MAN2A1: variants seen among roughly 807,000 people sequenced by gnomAD.
The protein encoded by MAN2A1 is mannosidase alpha class 2A member 1.
MAN2A1 carries 76 observed loss-of-function variants against 142.6 expected under a neutral mutation model. That is an observed-to-expected ratio of 0.53 (90% confidence interval 0.44 to 0.65). The LOEUF (loss-of-function observed/expected upper bound fraction) is 0.65, where lower values mean the gene tolerates loss of function less well. MAN2A1 is among the 30% of genes least tolerant of loss of function. The pLI is 0.00. For synonymous variants in MAN2A1, 559 were observed against 473.2 expected (o/e 1.18, Z -2.35); for missense variants, 1,311 against 1,365.1 (o/e 0.96, Z 0.62).
intron 4 of MAN2A1, among the ~76,000 whole-genome samples, chr5:109,746,872 T>A (rs1184463050): frequency 6.6e-6 from 1 of 152,192 alleles, no homozygotes; most frequent in Non-Finnish European, 1.5e-5. Context: ...ATTTTTGTCC[T>A]TTTCTGTCTG....
At chr5:109,754,978 G>A (rs552153574) in intron 4 of MAN2A1, among the ~76,000 whole-genome samples, 1 of 151,830 alleles carries the variant, frequency 6.6e-6, no homozygotes, top group East Asian at 1.9e-4. Context: ...TTCAGCCTGG[G>A]CAACAAGAGT....
intron 5 of MAN2A1, among the ~76,000 whole-genome samples, chr5:109,759,232 T>C (rs1752772326): frequency 6.6e-6 from 1 of 152,196 alleles, no homozygotes; most frequent in Non-Finnish European, 1.5e-5. Flanking sequence ...CATCGTTAAT[T>C]TCTTTCAACA....
At chr5:109,851,251 G>A (rs1019816232) in intron 19 of MAN2A1, among the ~76,000 whole-genome samples, 1 of 152,200 alleles carries the variant, frequency 6.6e-6, no homozygotes, top group Admixed American at 6.5e-5. Flanking sequence ...GCTGCACGAG[G>A]TTGACCATCA....
intron 4 of MAN2A1, among the ~76,000 whole-genome samples, chr5:109,749,888 A>G (rs908972338): frequency 6.6e-6 from 1 of 152,044 alleles, no homozygotes; most frequent in Non-Finnish European, 1.5e-5. Context: ...TTTTTTATAG[A>G]TACGGGTATT....
Position 109,817,253 on chromosome 5 carries a change from T to C in MAN2A1, c.1944-20T>C. 6.2e-7 allele frequency: 1 copy of C among 1,609,900 alleles called. No individual in the cohort carries two copies. Among genetic ancestry groups the C allele is most frequent in the Non-Finnish European group, 8.5e-7 (1 of 1,177,232 alleles). On this transcript the variant is annotated intron_variant, in intron 12 of 21. Coordinates refer to ENST00000261483, the MANE Select transcript of MAN2A1 (RefSeq NM_002372.4). ...TAAAAATATTTTGAGATCCCAATAA[T>C]GAAGCAGCTGTTTTTGCAGGTACCT...
intron 16 of MAN2A1, among the ~76,000 whole-genome samples, chr5:109,831,369 AG>A (rs1754902849): frequency 6.6e-6 from 1 of 152,204 alleles, no homozygotes; most frequent in South Asian, 2.1e-4. Flanking sequence ...TAATGAAGGA[AG>A]TGAGTCACTG....
intron 3 of MAN2A1, among the ~76,000 whole-genome samples, chr5:109,724,718 A>C (rs1166082713): frequency 6.6e-6 from 1 of 152,224 alleles, no homozygotes; most frequent in East Asian, 1.9e-4. Flanking sequence ...TTATTATAGC[A>C]ATCAAAACCA....
At chr5:109,741,759 A>G (rs935819627) in intron 4 of MAN2A1, among the ~76,000 whole-genome samples, 6 of 152,188 alleles carry the variant, frequency 3.9e-5, no homozygotes, top group African/African-American at 1.4e-4. Flanking sequence ...ATAAGCTTTT[A>G]AAAGTGAAAA....
chr5:109,757,587 A>G (rs949148130), intron 5 of MAN2A1, among the ~76,000 whole-genome samples: 2 of 152,166 alleles, frequency 1.3e-5, no homozygotes, highest in African/African-American at 4.8e-5. Flanking sequence ...TTATTGAGAT[A>G]TATTTCACAT....
At chr5:109,733,531 G>A (rs768181479) in intron 4 of MAN2A1, among the ~76,000 whole-genome samples, 8 of 152,190 alleles carry the variant, frequency 5.3e-5, no homozygotes, top group South Asian at 2.1e-4. Context: ...TTTGAGATAC[G>A]TCCCATCAAT....
chr5:109,708,469 A>T (rs1751201453), intron 1 of MAN2A1, among the ~76,000 whole-genome samples: 2 of 144,746 alleles, frequency 1.4e-5, no homozygotes, highest in African/African-American at 5.2e-5. Flanking sequence ...GGAATGTAAG[A>T]TGTTTTATTC....
At chr5:109,849,949 C>T (rs1755442990) in intron 19 of MAN2A1, among the ~76,000 whole-genome samples, 1 of 152,166 alleles carries the variant, frequency 6.6e-6, no homozygotes, top group South Asian at 2.1e-4. Context: ...CCCCACCGCA[C>T]TTTTGCACAT....
rs765803197 is a variant in MAN2A1 at position 109,767,593 on chromosome 5, T to C, written c.894T>C (p.Ala298=). 1.2e-6 allele frequency: 2 copies of C among 1,613,838 alleles called. No homozygotes were observed. The highest frequency in any genetic ancestry group is 1.7e-6 in the Non-Finnish European group (2 of 1,179,762). The stretch of plus-strand genomic sequence containing the variant: ...CCTTTGGACACTCACCAACAATGGC[T>C]TATCTTCTAAACCGTGCTGGACTTT... The part of the protein sequence containing the change: ...IDPFGHSPTM[A]YLLNRAGLSH... Residue 298 remains alanine, a synonymous_variant, in exon 6 of 22, where the codon GCT becomes GCC. Transcript: ENST00000261483.
chr5:109,847,732 AC>A lies in MAN2A1; in HGVS notation c.2919del (p.Asn973LysfsTer12). 8 of 1,602,384 alleles carry A rather than the reference AC, an allele frequency of 5.0e-6. No individual in the cohort carries two copies. The highest frequency in any genetic ancestry group is 6.8e-6 in the Non-Finnish European group (8 of 1,174,868). On this transcript the variant is annotated frameshift_variant, in exon 19 of 22. Transcript: ENST00000261483. LOFTEE classifies it high-confidence loss of function. ...NRGLEQGIQDNKITANLFRIL... is the reference protein window; with the variant it reads ...NRGLEQGIQDXKITANLFRIL... ...GGCCTTGAGCAAGGTATCCAGGATA[AC>A]AAGATTACAGCTAATCTATTTCGAA...
intron 20 of MAN2A1, among the ~76,000 whole-genome samples, chr5:109,856,600 C>T: frequency 6.6e-6 from 1 of 152,146 alleles, no homozygotes; most frequent in African/African-American, 2.4e-5. Context: ...TGCCATCAAG[C>T]AGGCAGAAGA....
intron 17 of MAN2A1, among the ~76,000 whole-genome samples, chr5:109,844,477 C>A (rs1156457371): frequency 6.9e-6 from 1 of 145,144 alleles, no homozygotes; most frequent in Non-Finnish European, 1.5e-5. Flanking sequence ...GGTAGCTTTA[C>A]TTTTTTTTTT....
chr5:109,836,113 T>A (rs1045837436), intron 16 of MAN2A1, among the ~76,000 whole-genome samples: 1 of 151,464 alleles, frequency 6.6e-6, no homozygotes, highest in Non-Finnish European at 1.5e-5. Flanking sequence ...ATAATTATTG[T>A]TATTATTATT....
chr5:109,773,751 T>C (rs1034085705), intron 7 of MAN2A1, among the ~76,000 whole-genome samples: 3 of 152,176 alleles, frequency 2.0e-5, no homozygotes, highest in African/African-American at 7.2e-5. Context: ...TAGTTAAATG[T>C]TTATAATTTT....
At chr5:109,761,400 C>A (rs1399923428) in intron 5 of MAN2A1, among the ~76,000 whole-genome samples, 1 of 151,570 alleles carries the variant, frequency 6.6e-6, no homozygotes. Context: ...AAATTATTTT[C>A]TTCTTAGTAT....
Sources: allele counts gnomAD v4.1 joint callset (sites outside exome capture counted in the v4.1 genomes callset), GRCh38; gene constraint gnomAD v4.1.1; transcripts MANE v1.5; gene names NCBI Gene and HGNC (gene_info 2026-07-23, HGNC 2026-07-21).